AGRN: variants seen among roughly 807,000 people sequenced by gnomAD.
AGRN encodes the protein agrin.
A neutral mutation model predicts 211.0 loss-of-function variants in AGRN; 106 were observed. The ratio of observed to expected loss-of-function variants is 0.50; its 90% CI spans 0.43 to 0.59. The LOEUF is 0.59. Ranked by LOEUF, AGRN falls within the 20% of genes least tolerant of loss-of-function variation. The pLI, the probability that AGRN is intolerant of heterozygous loss-of-function variation, is 0.00. For synonymous variants in AGRN, 1,525 were observed against 1,332.5 expected (o/e 1.14, Z -3.15); for missense variants, 3,040 against 2,982.6 (o/e 1.02, Z -0.45).
Position 1,041,295 on chromosome 1 carries a change from G to C in AGRN, c.850G>C (p.Val284Leu). Residue 284 changes from valine (V) to leucine (L), a missense_variant, in exon 5 of 36, where the codon GTC becomes CTC. By Grantham distance (32) the Val-to-Leu change is conservative (BLOSUM62 1). Transcript: ENST00000379370. Reference sequence around the variant, plus strand: ...CTGCCGTGGCGCCCCCGAGGGGACCGTCTGCGGCAGCGACGGCGCCGACTA... The same window carrying C: ...CTGCCGTGGCGCCCCCGAGGGGACCCTCTGCGGCAGCGACGGCGCCGACTA... ...ATCRGAPEGT[V>L]CGSDGADYPG... 6.6e-7 allele frequency: 1 copy of C among 1,516,922 alleles called. No individual in the cohort carries two copies. The highest frequency in any genetic ancestry group is 8.8e-7 in the Non-Finnish European group (1 of 1,138,372). 94.0% of individuals were successfully genotyped at this position (1,516,922 alleles called of 1,614,324 possible). A position where few individuals can be genotyped will look rare whatever the true frequency, so the allele number is the denominator to read the frequency against.
intron 10 of AGRN, 39 bp from the exon 11 acceptor site, chr1:1,044,070 C>G (rs1273575235): frequency 6.2e-7 from 1 of 1,612,870 alleles, no homozygotes; most frequent in South Asian, 1.1e-5. Context: ...TGGCTTTGGA[C>G]AAGAAGCCCC....
At position 1,050,818 on chromosome 1, in the gene AGRN, G is replaced by A. The variant is rs775551780; in HGVS notation, c.5234G>A (p.Arg1745His). ...GCCCTGCGTGTGGGCGACGGCCCCC[G>A]TGTGTTGGGGGAGTCCCCGGTGAGT... ...KGALRVGDGP[R>H]VLGESPVPHT... Residue 1745 changes from arginine to histidine, a missense_variant, in exon 30 of 36, where the codon CGT becomes CAT. Arg to His is a conservative substitution (Grantham distance 29, BLOSUM62 0). Around this residue, in one of 3 missense-constraint regions of AGRN, gnomAD observed 1,537 missense variants for 1,505.0 expected, o/e 1.02. Coordinates refer to ENST00000379370, the MANE Select transcript of AGRN (RefSeq NM_198576.4). 2.0e-5 allele frequency: 31 copies of A among 1,586,334 alleles called. 1 individual carries two copies. Among genetic ancestry groups the A allele is most frequent in the African/African-American group, 9.4e-5 (7 of 74,706 alleles).
intron 33 of AGRN, chr1:1,052,401 G>A (rs146114562): frequency 3.1e-6 from 1 of 322,976 alleles, no homozygotes; most frequent in African/African-American, 2.2e-5. Flanking sequence ...ATGTATATGT[G>A]TGTGTGTATA....
Position 1,051,611 on chromosome 1 carries a change from TC to T in AGRN, c.5532del (p.Gly1846AspfsTer36). ...GGGAGGCTGCCTATGTGTGCCTGTG[TC>T]CCGGGGGATTCTCAGGACCGCACTG... ...PREAAYVCLCPGGFSGPHCEK... is the reference protein window; with the variant it reads ...PREAAYVCLCXGGFSGPHCEK... On this transcript the variant is annotated frameshift_variant, in exon 32 of 36. Transcript: ENST00000379370. LOFTEE classifies it high-confidence loss of function. 1 of 1,609,796 alleles carries T rather than the reference TC, an allele frequency of 6.2e-7. No individual in the cohort carries two copies. Among genetic ancestry groups the T allele is most frequent in the Non-Finnish European group, 8.5e-7 (1 of 1,177,890 alleles).
chr1:1,043,944 C>G lies in AGRN; in HGVS notation c.1920C>G (p.Gly640=), dbSNP rs763833644. The G allele has an allele frequency of 1.2e-6, 2 of 1,607,530 alleles. No individual in the cohort carries two copies. The highest frequency in any genetic ancestry group is 1.3e-5 in the African/African-American group (1 of 75,022). Reference sequence around the variant, plus strand: ...GTGGCAGCGACGGTGTCACCTACGGCAGTGCCTGCGAGCTACGGGAAGCCG... The same window carrying G: ...GTGGCAGCGACGGTGTCACCTACGGGAGTGCCTGCGAGCTACGGGAAGCCG... ...PVCGSDGVTY[G]SACELREAAC... Residue 640 remains glycine, a synonymous_variant, in exon 10 of 36, where the codon GGC becomes GGG. Coordinates refer to ENST00000379370, the MANE Select transcript of AGRN (RefSeq NM_198576.4).
At position 1,047,818 on chromosome 1, in the gene AGRN, G is replaced by A. The variant is rs1486462433; in HGVS notation, c.3674G>A (p.Arg1225Gln). 1.0e-5 allele frequency: 16 copies of A among 1,602,964 alleles called. No homozygotes were observed. Among genetic ancestry groups the A allele is most frequent in the East Asian group, 4.5e-5 (2 of 44,326 alleles). ...CCCGACGTGGCCCGGGCCCTGCTCC[G>A]GCAGATCCAGGTGTCCAGGCGCCGG... ...RAPDVARALL[R>Q]QIQVSRRRSL... Residue 1225 changes from arginine to glutamine, a missense_variant, in exon 22 of 36, where the codon CGG becomes CAG. Arg to Gln is a conservative substitution (Grantham distance 43). Transcript: ENST00000379370.
At chr1:1,044,735 T>C (rs962680683) in intron 12 of AGRN, among the ~76,000 whole-genome samples, 1 of 152,154 alleles carries the variant, frequency 6.6e-6, no homozygotes, top group Non-Finnish European at 1.5e-5. Flanking sequence ...ATCCGGTCGA[T>C]GTATCACATC....
chr1:1,021,175 T>TACA (rs1644394360), intron 1 of AGRN, among the ~76,000 whole-genome samples: 4 of 152,180 alleles, frequency 2.6e-5, no homozygotes, highest in Admixed American at 2.6e-4. Flanking sequence ...GACTGGCCGG[T>TACA]GCGGGCTACA....
At chr1:1,052,194 C>A in intron 33 of AGRN, 1 of 713,638 alleles carries the variant, frequency 1.4e-6, no homozygotes, top group Non-Finnish European at 2.1e-6. Flanking sequence ...TCGCCCCTCC[C>A]AGGGCACAGG....
chr1:1,026,860 CTG>C (rs745581671), intron 2 of AGRN, among the ~76,000 whole-genome samples: 4 of 152,222 alleles, frequency 2.6e-5, no homozygotes, highest in Non-Finnish European at 5.9e-5. Context: ...GGAGGAGGCT[CTG>C]TACCCCTGCA....
chr1:1,042,477 A>ACACAAC (rs1644971055), intron 7 of AGRN, among the ~76,000 whole-genome samples: 1 of 151,922 alleles, frequency 6.6e-6, no homozygotes, highest in Non-Finnish European at 1.5e-5. Context: ...GGCAGGCTGG[A>ACACAAC]CACAACACCA....
intron 7 of AGRN, among the ~76,000 whole-genome samples, chr1:1,042,767 A>T (rs570930160): frequency 5.3e-5 from 8 of 151,762 alleles, no homozygotes; most frequent in African/African-American, 1.9e-4. Flanking sequence ...CTGGTGCGGC[A>T]GGGGGGGTGG....
chr1:1,024,490 C>T (rs901232794), intron 2 of AGRN, among the ~76,000 whole-genome samples: 7 of 152,056 alleles, frequency 4.6e-5, no homozygotes, highest in Non-Finnish European at 1.0e-4. Context: ...CACAGGATGG[C>T]GTCTGGGCAG....
At chr1:1,037,806 C>T (rs958725804) in intron 3 of AGRN, among the ~76,000 whole-genome samples, 6 of 152,140 alleles carry the variant, frequency 3.9e-5, no homozygotes, top group African/African-American at 1.4e-4. Context: ...GGTGGCCTAC[C>T]TTCCTCCTGC....
chr1:1,041,042 C>G (rs941101693), intron 4 of AGRN, 131 bp from the exon 5 acceptor site: 1 of 451,662 alleles, frequency 2.2e-6, no homozygotes, highest in Non-Finnish European at 3.1e-6. Flanking sequence ...GGGGCGGGAG[C>G]GGGGGCGGGG....
chr1:1,042,169 GC>G lies in AGRN; in HGVS notation c.1384+11del. ...AAGCACCAGGGCCCGTGTGGTGAGC[GC>G]CCCGGGGTGGAGGCCAGGCGGGGTG... On this transcript the variant is annotated splice_region_variant and intron_variant, in intron 7 of 35. Transcript: ENST00000379370. The G allele has an allele frequency of 1.3e-6, 2 of 1,587,788 alleles. No individual in the cohort carries two copies. The highest frequency in any genetic ancestry group is 1.7e-5 in the Admixed American group (1 of 59,444).
Position 1,045,194 on chromosome 1 carries a change from C to T in AGRN, c.2288C>T (p.Pro763Leu), listed in dbSNP as rs1263376795. The change falls in exon 13 of 36, where the codon CCC becomes CTC. Residue 763 changes from proline to leucine, a missense_variant. Physicochemically the swap from Pro to Leu is moderately conservative, Grantham distance 98. Around this residue, in one of 3 missense-constraint regions of AGRN, gnomAD observed 1,498 missense variants for 1,457.8 expected, o/e 1.03. Coordinates refer to ENST00000379370, the MANE Select transcript of AGRN (RefSeq NM_198576.4). ...TTCGCCCCGCTGCCGCCTGTGGCCCCCTTACACTGTGCCCAGACGCCCTAC... is the reference window on the plus strand; with the variant it reads ...TTCGCCCCGCTGCCGCCTGTGGCCCTCTTACACTGTGCCCAGACGCCCTAC... ...PTFAPLPPVA[P>L]LHCAQTPYGC... is the part of the protein sequence containing the mutation. 4 of 1,612,576 alleles carry T rather than the reference C, an allele frequency of 2.5e-6. No individual in the cohort carries two copies. In the Admixed American group the frequency reaches 6.7e-5, roughly 27 times the overall value.
At chr1:1,042,894 C>A (rs958802981) in intron 7 of AGRN, among the ~76,000 whole-genome samples, 6 of 152,084 alleles carry the variant, frequency 3.9e-5, no homozygotes, top group Admixed American at 6.5e-5. Context: ...AGAGCCCCCC[C>A]ACATGCATGG....
intron 19 of AGRN, 43 bp downstream of exon 19, chr1:1,047,000 G>A: frequency 6.4e-7 from 1 of 1,555,232 alleles, no homozygotes. Context: ...GATAGCCTGG[G>A]CTCGGCCGAG....
Sources: allele counts gnomAD v4.1 joint callset (sites outside exome capture counted in the v4.1 genomes callset), GRCh38; gene constraint gnomAD v4.1.1; regional missense constraint gnomAD v4.1.1; transcripts MANE v1.5; gene names NCBI Gene and HGNC (gene_info 2026-07-23, HGNC 2026-07-21).